DNM1: variants seen among roughly 807,000 people sequenced by gnomAD.
The protein encoded by DNM1 is dynamin-1.
Under a neutral mutation model 104.6 loss-of-function variants are expected in DNM1, and 29 were observed. The observed-to-expected ratio is 0.28, with a 90% CI of 0.21 to 0.38. The LOEUF (loss-of-function observed/expected upper bound fraction) is 0.38, where lower values mean the gene tolerates loss of function less well. DNM1 is among the 10% of genes least tolerant of loss of function. The probability of loss-of-function intolerance (pLI) is 1.00; values close to 1 mark genes in which losing one functional copy is unlikely to be tolerated. For missense variants in DNM1, 640 were observed against 1,189.4 expected (o/e 0.54, Z 6.79); for synonymous variants, 445 against 475.8 (o/e 0.94, Z 0.84).
chr9:128,243,325 C>A lies in DNM1; in HGVS notation c.1671+980C>A, dbSNP rs1338649131. 6.6e-6 allele frequency among the ~76,000 whole-genome samples: 1 copy of A among 152,062 alleles called. No individual in the cohort carries two copies. Among genetic ancestry groups the A allele is most frequent in the South Asian group, 2.1e-4 (1 of 4,832 alleles). ...CTTGTGGTAATGAACTCCAGCTGGC[C>A]AAGGAGTGGGGGAAGGGACCCTCTT... On this transcript the variant is annotated intron_variant, in intron 15 of 21. Coordinates refer to ENST00000372923, the MANE Select transcript of DNM1 (RefSeq NM_004408.4). The surrounding 1 kb of genome is among the most constrained non-coding windows in gnomAD (Gnocchi z 4.0).
At chr9:128,207,866 A>T (rs1343187214) in intron 1 of DNM1, among the ~76,000 whole-genome samples, 1 of 151,914 alleles carries the variant, frequency 6.6e-6, no homozygotes, top group Non-Finnish European at 1.5e-5. Context: ...GTGCACCAGG[A>T]TGGGGGCACG....
rs745835138 is a variant in DNM1, at chr9:128,250,216, C to A, written c.2178C>A (p.Asp726Glu). Residue 726 changes from aspartate to glutamate, a missense_variant, in exon 20 of 22, where the codon GAC (aspartate) becomes GAA (glutamate). Transcript: ENST00000372923. Reference protein sequence around the residue: ...EESAEQAQRRDEMLRMYHALK... With the variant: ...EESAEQAQRREEMLRMYHALK... ...CGGCGGAGCAGGCACAGCGGCGCGACGAGATGCTGCGCATGTACCACGCAC... is the reference window on the plus strand; with the variant it reads ...CGGCGGAGCAGGCACAGCGGCGCGAAGAGATGCTGCGCATGTACCACGCAC... The A allele has an allele frequency of 5.0e-6, 8 of 1,614,026 alleles. No individual in the cohort carries two copies. In the Admixed American group the frequency reaches 1.3e-4, roughly 27 times the overall value.
intron 11 of DNM1, among the ~76,000 whole-genome samples, chr9:128,235,780 T>C (rs1276513358): frequency 1.3e-5 from 2 of 152,148 alleles, no homozygotes; most frequent in Admixed American, 1.3e-4. Context: ...AGTAGCATGA[T>C]CATGGTTCAC....
intron 1 of DNM1, among the ~76,000 whole-genome samples, chr9:128,217,405 A>G (rs1004476977): frequency 2.0e-5 from 3 of 152,018 alleles, no homozygotes; most frequent in Admixed American, 6.5e-5. Flanking sequence ...AAGAAGCATG[A>G]GTTTTTTTGT....
chr9:128,248,440 C>T lies in DNM1; in HGVS notation c.1906-143C>T, dbSNP rs915992932. 3.2e-5 allele frequency: 28 copies of T among 885,616 alleles called. No homozygotes were observed. Among genetic ancestry groups the T allele is most frequent in the Middle Eastern group, 3.3e-4 (1 of 3,000 alleles). The allele number at this position is 885,616 out of a possible 1,614,324, so 54.9% of individuals were successfully genotyped here. ...TAGGGTCCTGAGAGGCACAGGGATG[C>T]GGAGCCAGGTATGTATTCAGGCCAG... On this transcript the variant is annotated intron_variant, in intron 18 of 21. Coordinates refer to ENST00000372923, the MANE Select transcript of DNM1 (RefSeq NM_004408.4). The surrounding 1 kb of genome is among the most constrained non-coding windows in gnomAD (Gnocchi z 5.6).
intron 1 of DNM1, among the ~76,000 whole-genome samples, chr9:128,213,164 C>T (rs1383958050): frequency 1.3e-5 from 2 of 152,198 alleles, no homozygotes; most frequent in East Asian, 3.8e-4. Flanking sequence ...TCACTGCAAC[C>T]TCCACCTCCC....
rs1835103565 is a variant in DNM1 at position 128,222,850 on chromosome 9, C to T, written c.1186C>T (p.His396Tyr). The T allele has an allele frequency of 6.2e-7, 1 of 1,613,968 alleles. No individual in the cohort carries two copies. The highest frequency in any genetic ancestry group is 1.3e-5 in the African/African-American group (1 of 74,918). Reference protein sequence around the residue: ...REISYAIKNIHGIRTGLFTPD... With the variant: ...REISYAIKNIYGIRTGLFTPD... ...GATCAGCTATGCTATCAAGAATATC[C>T]ATGGCATTAGGCACGTATTGGGGCC... The change falls in exon 9 of 22, where the codon CAT (histidine) becomes TAT (tyrosine). Residue 396 changes from histidine to tyrosine, a missense_variant. Coordinates refer to ENST00000372923, the MANE Select transcript of DNM1 (RefSeq NM_004408.4). The surrounding 1 kb of genome is among the most constrained non-coding windows in gnomAD (Gnocchi z 7.8).
intron 15 of DNM1, 129 bp downstream of exon 15, chr9:128,242,474 G>C (rs1836428911): frequency 1.7e-6 from 1 of 591,296 alleles, no homozygotes; most frequent in African/African-American, 1.9e-5. Context: ...AAGATCCGTG[G>C]GCAGGCTGGG....
At chr9:128,212,168 A>G (rs1198775170) in intron 1 of DNM1, among the ~76,000 whole-genome samples, 1 of 152,246 alleles carries the variant, frequency 6.6e-6, no homozygotes, top group Non-Finnish European at 1.5e-5. Flanking sequence ...TTCCACAGCC[A>G]GGATCTCAGG....
intron 11 of DNM1, 26 bp downstream of exon 11, chr9:128,234,133 C>G: frequency 1.3e-6 from 2 of 1,500,322 alleles, no homozygotes; most frequent in Admixed American, 2.2e-5. Flanking sequence ...CCCGGCCTGG[C>G]CGCGCCTTCC....
Position 128,239,478 on chromosome 9 carries a change from A to G in DNM1, c.1456A>G (p.Met486Val). 6.2e-7 allele frequency: 1 copy of G among 1,614,026 alleles called. No individual in the cohort carries two copies. Among genetic ancestry groups the G allele is most frequent in the South Asian group, 1.1e-5 (1 of 91,082 alleles). The change falls in exon 12 of 22, where the codon ATG becomes GTG. Residue 486 changes from methionine (M) to valine (V), a missense_variant. By Grantham distance (21) the Met-to-Val change is conservative. Around this residue, in one of 7 missense-constraint regions of DNM1, gnomAD observed 92 missense variants for 124.4 expected, o/e 0.74. Transcript: ENST00000372923. ...MLLIDIELAY[M>V]NTNHEDFIGF... ...TCTCATCGATATCGAGCTGGCTTAC[A>G]TGAACACCAACCATGAGGACTTCAT...
rs1021679851 is a variant in DNM1 at position 128,245,592 on chromosome 9, C to T, written c.1672-802C>T. Among the ~76,000 whole-genome samples, 1 of 152,114 alleles carries T rather than the reference C, an allele frequency of 6.6e-6. No individual in the cohort carries two copies. The highest frequency in any genetic ancestry group is 2.4e-5 in the African/African-American group (1 of 41,408). ...TGTGCACAGATACACATAACTCCTC[C>T]CAGACAGCTCTAGATAAATCAAACA... On this transcript the variant is annotated intron_variant, in intron 15 of 21. Transcript: ENST00000372923. This position sits in a 1 kb window ranked among gnomAD's most constrained non-coding sequence, Gnocchi z 5.2.
At chr9:128,205,120 G>T (rs777826768) in intron 1 of DNM1, among the ~76,000 whole-genome samples, 1 of 152,154 alleles carries the variant, frequency 6.6e-6, no homozygotes, top group Non-Finnish European at 1.5e-5. Flanking sequence ...CTCCTGCAGA[G>T]CCCCCCTTCT....
chr9:128,250,009 C>T, intron 19 of DNM1, 106 bp from the exon 20 acceptor site: 1 of 1,539,278 alleles, frequency 6.5e-7, no homozygotes, highest in Non-Finnish European at 8.9e-7. Context: ...GTAGGAGCCG[C>T]GTCTGAAAAG....
At chr9:128,225,807 C>T (rs925002677) in intron 10 of DNM1, among the ~76,000 whole-genome samples, 1 of 152,016 alleles carries the variant, frequency 6.6e-6, no homozygotes, top group African/African-American at 2.4e-5. Flanking sequence ...GGATGCTTGG[C>T]AGCACCTGGG....
intron 15 of DNM1, among the ~76,000 whole-genome samples, chr9:128,242,969 C>T (rs1836472646): frequency 6.6e-6 from 1 of 152,164 alleles, no homozygotes; most frequent in Admixed American, 6.5e-5. Flanking sequence ...TTCCTGTTTT[C>T]CCGCTGCAGG....
In DNM1 at chr9:128,242,242, A is replaced by G. The variant is rs760956595; in HGVS notation, c.1568A>G (p.Lys523Arg). ...CCCATCACCCTCCAGGTCATCCGCA[A>G]GGGCTGGCTGACTATCAATAATATT... ...GNQDEILVIRKGWLTINNIGI... is the reference protein window; with the variant it reads ...GNQDEILVIRRGWLTINNIGI... The change falls in exon 15 of 22, where the codon AAG (lysine) becomes AGG (arginine). Residue 523 changes from lysine (K) to arginine (R), a missense_variant. Lys to Arg is a conservative substitution (Grantham distance 26). This residue lies in a region of DNM1 where 91 missense variants were observed against 256.3 expected (regional missense o/e 0.36). Transcript: ENST00000372923. 8 of 1,605,604 alleles carry G rather than the reference A, an allele frequency of 5.0e-6. No individual in the cohort carries two copies. In the Admixed American group the frequency reaches 8.3e-5, roughly 17 times the overall value.
At chr9:128,217,185 C>T (rs776126822) in intron 1 of DNM1, among the ~76,000 whole-genome samples, 1 of 152,200 alleles carries the variant, frequency 6.6e-6, no homozygotes, top group Non-Finnish European at 1.5e-5. Flanking sequence ...TCAAAGGCGG[C>T]TCGGTTCACA....
intron 1 of DNM1, among the ~76,000 whole-genome samples, chr9:128,211,417 C>G (rs146612510): frequency 6.6e-6 from 1 of 150,666 alleles, no homozygotes; most frequent in African/African-American, 2.4e-5. Context: ...GCCGTGCCCT[C>G]TCTCTCACTC....
Sources: gnomAD v4.1 joint callset for allele counts (sites outside exome capture counted in the v4.1 genomes callset) on GRCh38, gnomAD v4.1.1 for gene constraint, gnomAD v4.1.1 regional missense constraint, Gnocchi (gnomAD v3.1) non-coding constraint, MANE v1.5 for transcripts, NCBI Gene and HGNC (gene_info 2026-07-23, HGNC 2026-07-21) for gene names.